Variants in THADA observed in about 807,000 individuals in gnomAD.
THADA encodes tRNA (32-2'-O)-methyltransferase regulator THADA.
A neutral mutation model predicts 219.8 loss-of-function variants in THADA; 213 were observed. That is an observed-to-expected ratio of 0.97 (90% CI 0.87 to 1.09). The LOEUF is 1.09. Among genes scored for constraint, THADA ranks in the 50% least tolerant of loss-of-function variants. The pLI is 0.00. For missense variants in THADA, 2,956 were observed against 2,311.3 expected (o/e 1.28, Z -5.72); for synonymous variants, 1,018 against 828.9 (o/e 1.23, Z -3.92).
intron 26 of THADA, among the ~76,000 whole-genome samples, chr2:43,468,053 T>C (rs1684467322): frequency 6.6e-6 from 1 of 152,250 alleles, no homozygotes; most frequent in African/African-American, 2.4e-5. Context: ...AAAAAATGCC[T>C]GACTTAAGTA....
intron 22 of THADA, among the ~76,000 whole-genome samples, chr2:43,521,265 G>C (rs1250089926): frequency 6.6e-6 from 1 of 151,964 alleles, no homozygotes; most frequent in Non-Finnish European, 1.5e-5. Flanking sequence ...CACAAAAAGA[G>C]GTAGGGAGGG....
At chr2:43,573,045 T>C in intron 11 of THADA, 53 bp from the exon 12 acceptor site, 1 of 1,342,448 alleles carries the variant, frequency 7.4e-7, no homozygotes, top group Non-Finnish European at 9.9e-7. Context: ...ACTACTATAA[T>C]TATCAGCTGC....
chr2:43,289,976 GTTTTT>G (rs59073038), intron 34 of THADA, among the ~76,000 whole-genome samples: 1 of 92,012 alleles, frequency 1.1e-5, no homozygotes, highest in Admixed American at 1.3e-4. Flanking sequence ...TTTTGTTTTT[GTTTTT>G]TTTTTTTTTT....
intron 32 of THADA, among the ~76,000 whole-genome samples, chr2:43,292,578 A>G (rs1674860938): frequency 6.6e-6 from 1 of 152,172 alleles, no homozygotes; most frequent in Non-Finnish European, 1.5e-5. Flanking sequence ...AAACATCCCA[A>G]AGTGGTTTGC....
At chr2:43,558,720 G>C (rs1697697431) in intron 16 of THADA, among the ~76,000 whole-genome samples, 1 of 152,116 alleles carries the variant, frequency 6.6e-6, no homozygotes, top group African/African-American at 2.4e-5. Flanking sequence ...TTGTGATCGT[G>C]TGAGTCAATA....
chr2:43,292,294 TAATC>T, intron 32 of THADA, 72 bp from the exon 33 acceptor site: 2 of 957,038 alleles, frequency 2.1e-6, no homozygotes, highest in Middle Eastern at 2.5e-4. Context: ...TGTTACATGA[TAATC>T]AATTGTATCA....
chr2:43,284,357 C>G (rs72788887), intron 35 of THADA, among the ~76,000 whole-genome samples: 1 of 152,040 alleles, frequency 6.6e-6, no homozygotes, highest in Admixed American at 6.6e-5. Flanking sequence ...GGACACAGCA[C>G]GCTGTGTCCC....
chr2:43,386,790 G>A (rs1317766062), intron 29 of THADA, among the ~76,000 whole-genome samples: 5 of 151,770 alleles, frequency 3.3e-5, no homozygotes, highest in East Asian at 3.9e-4. Context: ...CCAGCTACTC[G>A]GGAGGCTGAG....
At chr2:43,241,606 G>A (rs6720087) in intron 36 of THADA, among the ~76,000 whole-genome samples, 43,923 of 149,972 alleles carry the variant, frequency 0.29, 8,609 homozygotes, top group African/African-American at 0.56. Context: ...AAAAATCAGG[G>A]CAATTCTCAT....
chr2:43,514,622 AT>A (rs1338901351), intron 22 of THADA, among the ~76,000 whole-genome samples: 56 of 103,632 alleles, frequency 5.4e-4, no homozygotes, highest in African/African-American at 2.3e-3. Flanking sequence ...TATATATTTT[AT>A]ATATATGTAT....
intron 30 of THADA, among the ~76,000 whole-genome samples, chr2:43,329,656 A>T (rs1679731665): frequency 6.6e-6 from 1 of 152,228 alleles, no homozygotes; most frequent in Non-Finnish European, 1.5e-5. Context: ...CCTAGCCAAG[A>T]CAAGGGCAGA....
chr2:43,360,762 C>T (rs1488253616), intron 29 of THADA, among the ~76,000 whole-genome samples: 3 of 152,152 alleles, frequency 2.0e-5, no homozygotes, highest in Non-Finnish European at 4.4e-5. Context: ...CTATGAGGAT[C>T]GTTTGGGAAA....
intron 12 of THADA, 70 bp downstream of exon 12, chr2:43,572,744 C>G (rs1699432920): frequency 7.3e-7 from 1 of 1,375,074 alleles, no homozygotes; most frequent in Admixed American, 2.1e-5. Context: ...AATGTAGGGG[C>G]CTCTATATTG....
At chr2:43,481,300 A>T (rs1686189742) in intron 26 of THADA, among the ~76,000 whole-genome samples, 1 of 152,238 alleles carries the variant, frequency 6.6e-6, no homozygotes, top group African/African-American at 2.4e-5. Context: ...GTCACTAGAA[A>T]CAATTTTACT....
intron 26 of THADA, among the ~76,000 whole-genome samples, chr2:43,457,977 A>G (rs1683214436): frequency 6.6e-6 from 1 of 152,150 alleles, no homozygotes; most frequent in South Asian, 2.1e-4. Context: ...ACACAGTCTC[A>G]CTGTCCTCTA....
intron 29 of THADA, among the ~76,000 whole-genome samples, chr2:43,370,839 A>T (rs1293411361): frequency 6.6e-6 from 1 of 152,248 alleles, no homozygotes; most frequent in Non-Finnish European, 1.5e-5. Flanking sequence ...ATCAATGCAC[A>T]GGGGCAAGGC....
intron 21 of THADA, among the ~76,000 whole-genome samples, chr2:43,532,543 A>C (rs1396929901): frequency 6.6e-6 from 1 of 152,176 alleles, no homozygotes; most frequent in Non-Finnish European, 1.5e-5. Flanking sequence ...CTTCGATAAA[A>C]TTCAATACCC....
At chr2:43,420,733 C>A (rs1677603743) in intron 28 of THADA, among the ~76,000 whole-genome samples, 2 of 152,196 alleles carry the variant, frequency 1.3e-5, no homozygotes, top group Admixed American at 1.3e-4. Flanking sequence ...GTTGGCCAGG[C>A]CCCTATCTAG....
chr2:43,575,037 A>AATGAGCC lies in THADA; in HGVS notation c.1038-17_1038-11dup, dbSNP rs756473446. ...CGTTGGCTCTTTAATCCTGAAGAAA[A>AATGAGCC]ATGAGCCATGAGCCATTATTGTAAA... On this transcript the variant is annotated splice_polypyrimidine_tract_variant and intron_variant, in intron 10 of 37. Transcript: ENST00000405975. 6.3e-7 allele frequency: 1 copy of AATGAGCC among 1,588,416 alleles called. No homozygotes were observed. The highest frequency in any genetic ancestry group is 1.2e-5 in the South Asian group (1 of 86,570).
Sources: gnomAD v4.1 joint callset for allele counts (sites outside exome capture counted in the v4.1 genomes callset) on GRCh38, gnomAD v4.1.1 for gene constraint, MANE v1.5 for transcripts, NCBI Gene and HGNC (gene_info 2026-07-23, HGNC 2026-07-21) for gene names.